Variants in ZDHHC11B observed in about 807,000 individuals in gnomAD.
The protein encoded by ZDHHC11B is zDHHC palmitoyltransferase 11B (putative).
In ZDHHC11B, 17 loss-of-function variants were observed where a neutral mutation model predicts 42.3. The observed-to-expected ratio is 0.40, with a 90% CI of 0.27 to 0.60. The LOEUF is 0.60. ZDHHC11B is among the 20% of genes least tolerant of loss of function. The pLI is 0.41. For missense variants in ZDHHC11B, 262 were observed against 463.2 expected (o/e 0.57, Z 3.99); for synonymous variants, 123 against 193.5 (o/e 0.64, Z 3.02).
intron 7 of ZDHHC11B, among the ~76,000 whole-genome samples, chr5:749,726 C>T (rs1158405663): frequency 7.7e-6 from 1 of 130,270 alleles, no homozygotes; most frequent in East Asian, 3.2e-4. Flanking sequence ...GGAGAGAAGG[C>T]AGCACATGCC....
At chr5:757,688 G>A (rs1161351918) in intron 4 of ZDHHC11B, among the ~76,000 whole-genome samples, 3 of 151,984 alleles carry the variant, frequency 2.0e-5, no homozygotes, top group East Asian at 1.9e-4. Context: ...AGGCACTCAC[G>A]TGGCCCCGGG....
At chr5:778,106 GCGGAGACTGATA>G (rs1279609072) in intron 1 of ZDHHC11B, among the ~76,000 whole-genome samples, 1 of 151,920 alleles carries the variant, frequency 6.6e-6, no homozygotes, top group Non-Finnish European at 1.5e-5. Flanking sequence ...GGACGCTGCG[GCGGAGACTGATA>G]CGGGTCTGAG....
At chr5:712,980 T>G (rs1299026262) in intron 13 of ZDHHC11B, among the ~76,000 whole-genome samples, 1 of 150,756 alleles carries the variant, frequency 6.6e-6, no homozygotes, top group African/African-American at 2.4e-5. Flanking sequence ...AATTATGTTG[T>G]GTCTAGAATT....
At chr5:775,159 A>G (rs1225156845) in intron 1 of ZDHHC11B, among the ~76,000 whole-genome samples, 2 of 151,904 alleles carry the variant, frequency 1.3e-5, no homozygotes, top group African/African-American at 4.8e-5. Context: ...TCCTGGTCAC[A>G]AGTGTCCTGC....
In ZDHHC11B at chr5:765,724, C is replaced by T. The variant is rs1378793843; in HGVS notation, c.222+974G>A. Among the ~76,000 whole-genome samples the T allele has an allele frequency of 2.0e-5, 3 of 151,936 alleles. 1 individual carries two copies. Among genetic ancestry groups the T allele is most frequent in the Non-Finnish European group, 4.4e-5 (3 of 67,940 alleles). On this transcript the variant is annotated intron_variant, in intron 4 of 13. Coordinates refer to ENST00000508859, the MANE Select transcript of ZDHHC11B (RefSeq NM_001351303.2). ...CTCTAACACTCGCAGTGAAGGTCTG[C>T]AGCTTCATTCCTGAACCAGGGATAC...
chr5:763,497 AG>A (rs1561182374), intron 4 of ZDHHC11B, among the ~76,000 whole-genome samples: 1 of 151,892 alleles, frequency 6.6e-6, no homozygotes, highest in African/African-American at 2.4e-5. Flanking sequence ...CCTTCCCACA[AG>A]GGAGACTGTT....
At chr5:750,426 G>A (rs1026805920) in intron 7 of ZDHHC11B, among the ~76,000 whole-genome samples, 1 of 142,986 alleles carries the variant, frequency 7.0e-6, no homozygotes, top group African/African-American at 2.5e-5. Flanking sequence ...TCCTCACGAG[G>A]CCCCCTCCCC....
chr5:719,989 T>G (rs1742064192), intron 12 of ZDHHC11B, among the ~76,000 whole-genome samples: 2 of 151,764 alleles, frequency 1.3e-5, no homozygotes, highest in African/African-American at 4.9e-5. Flanking sequence ...CCCATTAATG[T>G]ACAGGAAAAA....
intron 8 of ZDHHC11B, 48 bp from the exon 9 acceptor site, chr5:745,346 T>A: frequency 6.5e-7 from 1 of 1,529,956 alleles, no homozygotes; most frequent in Non-Finnish European, 9.0e-7. Context: ...CCCTGCGGCT[T>A]TGCACGGCGC....
At chr5:770,199 C>T in intron 1 of ZDHHC11B, among the ~76,000 whole-genome samples, 1 of 150,660 alleles carries the variant, frequency 6.6e-6, no homozygotes, top group Middle Eastern at 3.4e-3. Flanking sequence ...CCCCGCCATA[C>T]CAATGAGCAC....
At chr5:731,520 C>T (rs1257468178) in intron 11 of ZDHHC11B, among the ~76,000 whole-genome samples, 1 of 150,936 alleles carries the variant, frequency 6.6e-6, no homozygotes, top group Non-Finnish European at 1.5e-5. Context: ...GATATTGTTG[C>T]CTTGGTGAAG....
At position 748,519 on chromosome 5, in the gene ZDHHC11B, C is replaced by G. The variant is rs1257525044; in HGVS notation, c.669G>C (p.Leu223=). The change falls in exon 8 of 14, where the codon CTG becomes CTC. Residue 223 remains leucine (L), a synonymous_variant. Coordinates refer to ENST00000508859, the MANE Select transcript of ZDHHC11B (RefSeq NM_001351303.2). Reference sequence around the variant, plus strand: ...TCAGAGTCTGCACCTGCACCGGGAACAGGGGGAGGAACAGCAGCCACGTGT... The same window carrying G: ...TCAGAGTCTGCACCTGCACCGGGAAGAGGGGGAGGAACAGCAGCCACGTGT... ...NMNTWLLFLP[L]FPVQVQTLIV... The G allele has an allele frequency of 7.3e-7, 1 of 1,365,224 alleles. No homozygotes were observed. The highest frequency in any genetic ancestry group is 3.4e-5 in the East Asian group (1 of 28,988). 84.6% of individuals were successfully genotyped at this position (1,365,224 alleles called of 1,614,324 possible). A position where few individuals can be genotyped will look rare whatever the true frequency, so the allele number is the denominator to read the frequency against.
intron 12 of ZDHHC11B, among the ~76,000 whole-genome samples, chr5:721,932 T>C (rs1332568650): frequency 6.6e-6 from 1 of 151,676 alleles, no homozygotes; most frequent in African/African-American, 2.4e-5. Context: ...TGTGCATAAA[T>C]GGAATTCAGG....
At chr5:716,741 C>T in intron 13 of ZDHHC11B, 60 bp downstream of exon 13, 1 of 1,604,770 alleles carries the variant, frequency 6.2e-7, no homozygotes, top group Admixed American at 1.7e-5. Context: ...AGATATTTCA[C>T]TCTCTAGAGA....
At chr5:776,150 T>G (rs1736461349) in intron 1 of ZDHHC11B, among the ~76,000 whole-genome samples, 1 of 151,064 alleles carries the variant, frequency 6.6e-6, no homozygotes, top group Admixed American at 6.6e-5. Context: ...CCAGAGTCCC[T>G]GGAGACTGTT....
intron 11 of ZDHHC11B, among the ~76,000 whole-genome samples, chr5:731,274 C>T (rs1382341317): frequency 5.2e-4 from 78 of 150,080 alleles, no homozygotes; most frequent in African/African-American, 1.9e-3. Flanking sequence ...GAGGCAGGGT[C>T]TTGCTATGTT....
At chr5:750,390 G>T (rs1335519812) in intron 7 of ZDHHC11B, among the ~76,000 whole-genome samples, 1 of 142,756 alleles carries the variant, frequency 7.0e-6, no homozygotes, top group South Asian at 2.4e-4. Context: ...CCGGGCTGTG[G>T]CTGTGTGACT....
chr5:736,715 G>A (rs1466915182), intron 10 of ZDHHC11B, among the ~76,000 whole-genome samples: 5 of 134,070 alleles, frequency 3.7e-5, no homozygotes, highest in Non-Finnish European at 6.3e-5. Context: ...GCTTCTGAAT[G>A]ATCTTTGGGT....
rs374196134 is a variant in ZDHHC11B, at chr5:732,684, C to G, written c.1023+1068G>C. The G allele has an allele frequency of 3.7e-4, 166 of 446,730 alleles. 5 individuals carry two copies. The highest frequency in any genetic ancestry group is 2.7e-3 in the African/African-American group (135 of 49,558). The allele number at this position is 446,730 out of a possible 1,614,324, so 27.7% of individuals were successfully genotyped here. On this transcript the variant is annotated intron_variant, in intron 11 of 13. Coordinates refer to ENST00000508859, the MANE Select transcript of ZDHHC11B (RefSeq NM_001351303.2). ...GCGGCCCTGCCCCCACAGGGAAGGA[C>G]AAGTCACCTGTAACCTCCAGAAACT... is the stretch of plus-strand genomic sequence containing the variant.
Sources: allele counts gnomAD v4.1 joint callset (sites outside exome capture counted in the v4.1 genomes callset), GRCh38; gene constraint gnomAD v4.1.1; transcripts MANE v1.5; gene names NCBI Gene and HGNC (gene_info 2026-07-23, HGNC 2026-07-21).